Variants in GRAMD1C observed in about 807,000 individuals in gnomAD.
The protein encoded by GRAMD1C is GRAM domain containing 1C.
A neutral mutation model predicts 97.8 loss-of-function variants in GRAMD1C; 89 were observed. The observed-to-expected ratio is 0.91, with a 90% CI of 0.77 to 1.09. GRAMD1C has a LOEUF of 1.09. Ranked by LOEUF, GRAMD1C falls within the 50% of genes least tolerant of loss-of-function variation. The pLI is 0.00. For missense variants in GRAMD1C, 740 were observed against 766.4 expected (o/e 0.97, Z 0.41); for synonymous variants, 256 against 267.0 (o/e 0.96, Z 0.40).
At chr3:113,890,086 C>T (rs1329322453) in intron 6 of GRAMD1C, among the ~76,000 whole-genome samples, 1 of 152,070 alleles carries the variant, frequency 6.6e-6, no homozygotes, top group African/African-American at 2.4e-5. Context: ...ACGCTGAGGA[C>T]AGGCTCTCCT....
chr3:113,943,339 G>A (rs576665748), intron 17 of GRAMD1C, among the ~76,000 whole-genome samples: 18 of 152,152 alleles, frequency 1.2e-4, no homozygotes, highest in African/African-American at 4.3e-4. Flanking sequence ...TTTTTGTGAT[G>A]TAATTTACAT....
intron 8 of GRAMD1C, among the ~76,000 whole-genome samples, chr3:113,904,847 G>A (rs1405817729): frequency 6.6e-6 from 1 of 151,958 alleles, no homozygotes; most frequent in Non-Finnish European, 1.5e-5. Context: ...AGTTTTTTGG[G>A]TTTTTTGAGA....
rs1709703120 is a variant in GRAMD1C at position 113,838,996 on chromosome 3, A to G, written c.27+60A>G. 3.8e-6 allele frequency: 4 copies of G among 1,055,138 alleles called. No homozygotes were observed. The South Asian group carries it at 1.9e-4, about 50-fold the overall frequency. 65.4% of individuals were successfully genotyped at this position (1,055,138 alleles called of 1,614,324 possible). A position where few individuals can be genotyped will look rare whatever the true frequency, so the allele number is the denominator to read the frequency against. ...CTGTGGCTTTAGCCTACTTTTTCTC[A>G]CGGTGATTGCTTGAACCTTCTCAGA... On this transcript the variant is annotated intron_variant, in intron 1 of 17. Coordinates refer to ENST00000358160, the MANE Select transcript of GRAMD1C (RefSeq NM_017577.5).
chr3:113,868,137 G>A (rs772954020), intron 2 of GRAMD1C, among the ~76,000 whole-genome samples: 5 of 151,866 alleles, frequency 3.3e-5, no homozygotes, highest in Non-Finnish European at 5.9e-5. Context: ...ACAGTTTTTT[G>A]TAAAAAATCT....
chr3:113,911,876 C>A (rs1936610448), intron 9 of GRAMD1C, among the ~76,000 whole-genome samples: 1 of 151,938 alleles, frequency 6.6e-6, no homozygotes, highest in South Asian at 2.1e-4. Flanking sequence ...TACAGGTGCC[C>A]ACCACCATGC....
intron 9 of GRAMD1C, among the ~76,000 whole-genome samples, chr3:113,912,130 A>G (rs1186301310): frequency 6.6e-6 from 1 of 152,166 alleles, no homozygotes; most frequent in Non-Finnish European, 1.5e-5. Context: ...CATTCAGTCC[A>G]TACCAATAAT....
At chr3:113,867,342 G>A (rs1480675554) in intron 2 of GRAMD1C, among the ~76,000 whole-genome samples, 5 of 151,628 alleles carry the variant, frequency 3.3e-5, no homozygotes, top group African/African-American at 4.8e-5. Context: ...ATCCAGGCTG[G>A]AGTGCAGTGG....
At chr3:113,841,285 C>A (rs115568397) in intron 1 of GRAMD1C, among the ~76,000 whole-genome samples, 5 of 94,338 alleles carry the variant, frequency 5.3e-5, no homozygotes, top group African/African-American at 1.9e-4. Flanking sequence ...TTCTTTCTTT[C>A]TTTTTTTTTT....
intron 17 of GRAMD1C, among the ~76,000 whole-genome samples, chr3:113,944,874 G>A (rs937290836): frequency 6.6e-6 from 1 of 152,220 alleles, no homozygotes; most frequent in Non-Finnish European, 1.5e-5. Flanking sequence ...GAAATGAGAT[G>A]TCCAGGTGTA....
At chr3:113,889,788 G>A (rs1027337319) in intron 6 of GRAMD1C, among the ~76,000 whole-genome samples, 22 of 151,932 alleles carry the variant, frequency 1.4e-4, no homozygotes, top group Non-Finnish European at 2.1e-4. Flanking sequence ...ACAGGCATGC[G>A]CCACTGAGCC....
chr3:113,882,854 A>ACT (rs1935316794), intron 6 of GRAMD1C, 22 bp downstream of exon 6: 1 of 1,204,562 alleles, frequency 8.3e-7, no homozygotes, highest in South Asian at 1.3e-5. Flanking sequence ...TACCAGAGGC[A>ACT]GTTGCTTATT....
At chr3:113,897,773 A>C (rs2107439748) in intron 6 of GRAMD1C, 2 of 984,054 alleles carry the variant, frequency 2.0e-6, no homozygotes, top group East Asian at 2.3e-4. Flanking sequence ...TTGTTAAACT[A>C]CTCTGTAGGC....
intron 9 of GRAMD1C, among the ~76,000 whole-genome samples, chr3:113,914,340 C>G (rs1353059731): frequency 6.6e-6 from 1 of 152,136 alleles, no homozygotes; most frequent in African/African-American, 2.4e-5. Flanking sequence ...ATCTGATATC[C>G]ATAAGTCCTT....
At chr3:113,885,342 C>T in intron 6 of GRAMD1C, 3 of 1,592,930 alleles carry the variant, frequency 1.9e-6, no homozygotes, top group Admixed American at 1.7e-5. Flanking sequence ...CGTTCGTGGC[C>T]TTCGCTGCCA....
chr3:113,933,043 C>G (rs1937498686), intron 11 of GRAMD1C, among the ~76,000 whole-genome samples: 3 of 152,242 alleles, frequency 2.0e-5, no homozygotes, highest in Admixed American at 2.0e-4. Context: ...TGCCGCCACT[C>G]CTGGCTAATT....
chr3:113,888,928 G>A (rs1347673125), intron 6 of GRAMD1C, among the ~76,000 whole-genome samples: 1 of 152,246 alleles, frequency 6.6e-6, no homozygotes, highest in Non-Finnish European at 1.5e-5. Flanking sequence ...ATGACCTGGT[G>A]TGGTGGCTCA....
At chr3:113,866,878 G>C (rs1432395451) in intron 2 of GRAMD1C, among the ~76,000 whole-genome samples, 2 of 151,924 alleles carry the variant, frequency 1.3e-5, no homozygotes, top group African/African-American at 4.8e-5. Flanking sequence ...GCCCAGGCTG[G>C]AGTGCAGTGG....
intron 9 of GRAMD1C, among the ~76,000 whole-genome samples, chr3:113,909,458 C>T (rs969202944): frequency 1.3e-5 from 2 of 152,196 alleles, no homozygotes; most frequent in African/African-American, 2.4e-5. Context: ...TTTAGGCTAT[C>T]CCTCATTTTC....
chr3:113,916,855 G>GT (rs1329351740), intron 10 of GRAMD1C, among the ~76,000 whole-genome samples: 1 of 152,154 alleles, frequency 6.6e-6, no homozygotes, highest in Non-Finnish European at 1.5e-5. Flanking sequence ...GTGTTAAAAA[G>GT]TTTTATTTTG....
Sources: gnomAD v4.1 joint callset for allele counts (sites outside exome capture counted in the v4.1 genomes callset) on GRCh38, gnomAD v4.1.1 for gene constraint, MANE v1.5 for transcripts, NCBI Gene and HGNC (gene_info 2026-07-23, HGNC 2026-07-21) for gene names.